NKTR: variants seen among roughly 807,000 people sequenced by gnomAD.
The protein encoded by NKTR is natural killer cell triggering receptor, also known as NK-tumor recognition protein.
NKTR carries 67 observed loss-of-function variants against 156.3 expected under a neutral mutation model. The observed-to-expected ratio is 0.43, with a 90% CI of 0.35 to 0.53. The LOEUF is 0.53. NKTR is among the 20% of genes least tolerant of loss of function. NKTR has a pLI of 0.01. For missense variants in NKTR, 1,604 were observed against 1,730.9 expected (o/e 0.93, Z 1.30); for synonymous variants, 640 against 596.6 (o/e 1.07, Z -1.06).
intron 2 of NKTR, among the ~76,000 whole-genome samples, chr3:42,614,989 A>G (rs1352638130): frequency 1.3e-5 from 2 of 151,800 alleles, no homozygotes; most frequent in South Asian, 2.1e-4. Context: ...CCTCTACTCT[A>G]TCCTTTGTGC....
At chr3:42,627,550 A>G (rs1459571735) in intron 6 of NKTR, 3 of 984,510 alleles carry the variant, frequency 3.0e-6, no homozygotes, top group Non-Finnish European at 3.6e-6. Flanking sequence ...TGATAATGGT[A>G]TAAAACTATA....
rs141453457 is a variant in NKTR, at chr3:42,621,660, T to C, written c.374+144T>C. 509 of 857,834 alleles carry C rather than the reference T, an allele frequency of 5.9e-4. 2 individuals carry two copies. The African/African-American group carries it at 6.8e-3, about 11-fold the overall frequency. The allele number at this position is 857,834 out of a possible 1,614,324, so 53.1% of individuals were successfully genotyped here. On this transcript the variant is annotated intron_variant, in intron 6 of 16. Transcript: ENST00000232978. ...TAATTTCTAATATCATAGTAACTTA[T>C]AAGGTCTAACAACTGCCTCAGCATT...
intron 14 of NKTR, 143 bp from the exon 15 acceptor site, chr3:42,643,195 AC>A: frequency 1.5e-6 from 1 of 666,270 alleles, no homozygotes; most frequent in South Asian, 2.0e-5. Context: ...AATCCAATAT[AC>A]TTTTGATATG....
rs1473416400 is a variant in NKTR, at chr3:42,648,252, A to C, written c.*2277A>C. Reference sequence around the variant, plus strand: ...CAGGAGTACTGTCTCATCTCATCATATTCACGGGTTCTGGAGATTAGCTCA... The same window carrying C: ...CAGGAGTACTGTCTCATCTCATCATCTTCACGGGTTCTGGAGATTAGCTCA... On this transcript the variant is annotated 3_prime_UTR_variant, in exon 17 of 17. Coordinates refer to ENST00000232978, the MANE Select transcript of NKTR (RefSeq NM_005385.4). 6.6e-6 allele frequency: 1 copy of C among 152,176 alleles called. No homozygotes were observed. The highest frequency in any genetic ancestry group is 2.4e-5 in the African/African-American group (1 of 41,438). 9.4% of individuals were successfully genotyped at this position (152,176 alleles called of 1,614,324 possible).
intron 2 of NKTR, 78 bp downstream of exon 2, chr3:42,601,142 T>C (rs1705388695): frequency 2.5e-6 from 3 of 1,211,140 alleles, no homozygotes; most frequent in Admixed American, 6.0e-5. Flanking sequence ...TCAGCAACCC[T>C]CCCCCGGCCT....
chr3:42,631,098 C>T, intron 7 of NKTR, 73 bp from the exon 8 acceptor site: 1 of 1,568,286 alleles, frequency 6.4e-7, no homozygotes, highest in Admixed American at 1.8e-5. Context: ...TCATTGATTA[C>T]AGTTAATTGT....
In NKTR at chr3:42,603,360, T is replaced by TAA. The variant is rs376932471; in HGVS notation, c.58+2320_58+2321dup. The stretch of plus-strand genomic sequence containing the variant: ...GGTCAACAGAGCAAGATCTTGTTTC[T>TAA]AAAAAAAAAAAAAAAAAAAAAAAAA... On this transcript the variant is annotated intron_variant, in intron 2 of 16. Coordinates refer to ENST00000232978, the MANE Select transcript of NKTR (RefSeq NM_005385.4). Among the ~76,000 whole-genome samples, 887 of 92,522 alleles carry TAA rather than the reference T, an allele frequency of 9.6e-3. 5 individuals carry two copies. The highest frequency in any genetic ancestry group is 0.015 in the Non-Finnish European group (652 of 42,160). 60.7% of individuals were successfully genotyped at this position (92,522 alleles called of 152,430 possible).
intron 6 of NKTR, among the ~76,000 whole-genome samples, chr3:42,624,229 A>G (rs1708167047): frequency 6.6e-6 from 1 of 151,536 alleles, no homozygotes; most frequent in Non-Finnish European, 1.5e-5. Context: ...TGTATTTGTC[A>G]TAATGATTTT....
chr3:42,629,075 A>G, intron 6 of NKTR: 1 of 943,358 alleles, frequency 1.1e-6, no homozygotes, highest in Non-Finnish European at 1.3e-6. Context: ...CTTCTGTACC[A>G]ATTTCTTGTC....
intron 2 of NKTR, chr3:42,601,428 A>G (rs572192955): frequency 1.7e-5 from 3 of 172,976 alleles, no homozygotes; most frequent in Non-Finnish European, 3.7e-5. Flanking sequence ...GGTGCTATGA[A>G]GTTTCAACTA....
intron 15 of NKTR, chr3:42,643,608 C>A: frequency 1.6e-6 from 1 of 623,552 alleles, no homozygotes; most frequent in Non-Finnish European, 2.9e-6. Flanking sequence ...ATTGTAATGG[C>A]AGGTGTTTAT....
At chr3:42,629,520 T>TA (rs1368216648) in intron 6 of NKTR, 1 of 983,060 alleles carries the variant, frequency 1.0e-6, no homozygotes, top group Non-Finnish European at 1.2e-6. Flanking sequence ...AAAATTGCCT[T>TA]AAAATGAATA....
chr3:42,635,462 T>A, intron 12 of NKTR, 96 bp downstream of exon 12: 1 of 977,660 alleles, frequency 1.0e-6, no homozygotes, highest in Non-Finnish European at 1.5e-6. Flanking sequence ...AAAGATTCAG[T>A]GAAAGATTCA....
intron 8 of NKTR, among the ~76,000 whole-genome samples, chr3:42,631,975 G>C (rs1366727781): frequency 1.4e-5 from 2 of 148,084 alleles, no homozygotes; most frequent in Non-Finnish European, 3.0e-5. Context: ...CAAATGTTAT[G>C]TTAAACTACC....
At position 42,639,762 on chromosome 3, in the gene NKTR, T is replaced by C; in HGVS notation, c.4046+12T>C. Reference sequence around the variant, plus strand: ...ACATCATCTTATCGGTGAGCAATATTCTCTTTCCTTTCTTCTCCCAAGGAG... The same window carrying C: ...ACATCATCTTATCGGTGAGCAATATCCTCTTTCCTTTCTTCTCCCAAGGAG... On this transcript the variant is annotated intron_variant, in intron 13 of 16. Coordinates refer to ENST00000232978, the MANE Select transcript of NKTR (RefSeq NM_005385.4). 6.4e-7 allele frequency: 1 copy of C among 1,556,154 alleles called. No individual in the cohort carries two copies. Among genetic ancestry groups the C allele is most frequent in the Non-Finnish European group, 8.8e-7 (1 of 1,141,422 alleles).
chr3:42,638,435 G>C lies in NKTR; in HGVS notation c.2731G>C (p.Glu911Gln). The C allele has an allele frequency of 7.4e-6, 12 of 1,613,398 alleles. No homozygotes were observed. Among genetic ancestry groups the C allele is most frequent in the Non-Finnish European group, 1.0e-5 (12 of 1,179,846 alleles). The change falls in exon 13 of 17, where the codon GAA becomes CAA. Residue 911 changes from glutamate (E) to glutamine (Q), a missense_variant. Around this residue, in one of 6 missense-constraint regions of NKTR, gnomAD observed 1,255 missense variants for 1,243.7 expected, o/e 1.01. Coordinates refer to ENST00000232978, the MANE Select transcript of NKTR (RefSeq NM_005385.4). Reference protein sequence around the residue: ...NDSHPSSDKEEGEATSDSESE... With the variant: ...NDSHPSSDKEQGEATSDSESE... ...CTCCCATCCATCCTCTGACAAGGAA[G>C]AAGGTGAGGCCACATCCGATTCTGA...
chr3:42,634,762 A>G, intron 11 of NKTR, 62 bp downstream of exon 11: 2 of 848,344 alleles, frequency 2.4e-6, no homozygotes, highest in Middle Eastern at 5.1e-4. Flanking sequence ...ACCTATTTTC[A>G]AAGTCCTAGC....
At position 42,647,818 on chromosome 3, in the gene NKTR, G is replaced by A. The variant is rs1490878241; in HGVS notation, c.*1843G>A. ...GGCAGTGTATTAGTTTTCTATTGCT[G>A]TGTGACAAATTACCCCAAATTTAGC... On this transcript the variant is annotated 3_prime_UTR_variant, in exon 17 of 17. Coordinates refer to ENST00000232978, the MANE Select transcript of NKTR (RefSeq NM_005385.4). 1 of 152,170 alleles carries A rather than the reference G, an allele frequency of 6.6e-6. No homozygotes were observed. The highest frequency in any genetic ancestry group is 1.5e-5 in the Non-Finnish European group (1 of 68,026). 9.4% of individuals were successfully genotyped at this position (152,170 alleles called of 1,614,324 possible).
rs1447029421 is a variant in NKTR, at chr3:42,619,960, AC to A, written c.286+253del. The A allele has an allele frequency of 1.1e-4, 167 of 1,526,018 alleles. 1 individual carries two copies. The African/African-American group carries it at 1.9e-3, about 17-fold the overall frequency. 94.5% of individuals were successfully genotyped at this position (1,526,018 alleles called of 1,614,324 possible). On this transcript the variant is annotated intron_variant, in intron 5 of 16. Coordinates refer to ENST00000232978, the MANE Select transcript of NKTR (RefSeq NM_005385.4). ...CAGCATGGAGGTTAGGCAACTATAT[AC>A]ATGAAAACTCCTATCTTCCTGCCTA...
Sources: allele counts gnomAD v4.1 joint callset (sites outside exome capture counted in the v4.1 genomes callset), GRCh38; gene constraint gnomAD v4.1.1; regional missense constraint gnomAD v4.1.1; transcripts MANE v1.5; gene names NCBI Gene and HGNC (gene_info 2026-07-23, HGNC 2026-07-21).